The following ZNF479 variants were observed in gnomAD, a reference collection of about 807,000 sequenced individuals.
ZNF479 encodes the protein KRAB zinc finger protein KR19.
A neutral mutation model predicts 14.7 loss-of-function variants in ZNF479; 15 were observed. The observed-to-expected ratio is 1.02, with a 90% CI of 0.68 to 1.57. The LOEUF (loss-of-function observed/expected upper bound fraction) is 1.57, where lower values mean the gene tolerates loss of function less well. ZNF479 is among the 40% of genes most tolerant of loss of function. ZNF479 has a pLI of 0.00. For missense variants in ZNF479, 506 were observed against 615.1 expected (o/e 0.82, Z 1.88); for synonymous variants, 145 against 211.5 (o/e 0.69, Z 2.73).
chr7:57,122,298 T>C (rs1554400773), intron 3 of ZNF479, among the ~76,000 whole-genome samples: 1 of 147,324 alleles, frequency 6.8e-6, no homozygotes, highest in Non-Finnish European at 1.5e-5. Flanking sequence ...ACCAGAAAAA[T>C]GTACTACAAC....
intron 3 of ZNF479, among the ~76,000 whole-genome samples, chr7:57,124,511 A>T (rs1453263045): frequency 1.3e-5 from 2 of 152,236 alleles, no homozygotes; most frequent in Admixed American, 1.3e-4. Flanking sequence ...AACTCTTAGA[A>T]AAAAAGTATA....
At chr7:57,135,973 A>ATCTCTC (rs57853604), upstream of ZNF479, among the ~76,000 whole-genome samples, 2,236 of 125,140 alleles carry the variant, frequency 0.018, 70 homozygotes, top group African/African-American at 0.046. Flanking sequence ...CTCTCTCTCA[A>ATCTCTC]TCTCTCTCTC....
chr7:57,138,313 G>A (rs1786736516), intron 1 of ZNF479, among the ~76,000 whole-genome samples: 1 of 152,184 alleles, frequency 6.6e-6, no homozygotes, highest in South Asian at 2.1e-4. Context: ...TCACACTCAT[G>A]TATATTCTAT....
In ZNF479 at chr7:57,120,585, G is replaced by C; in HGVS notation, c.830C>G (p.Ala277Gly). 1 of 1,611,492 alleles carries C rather than the reference G, an allele frequency of 6.2e-7. No homozygotes were observed. Among genetic ancestry groups the C allele is most frequent in the East Asian group, 2.2e-5 (1 of 44,664 alleles). ...AGTAAGTGCTGAGGAGCGCCTAAAG[G>C]CTTGGCCACATTCTTCACACGTGTA... is the stretch of plus-strand genomic sequence containing the variant. ...KPYTCEECGQAFRRSSALTNH... is the reference protein window; with the variant it reads ...KPYTCEECGQGFRRSSALTNH... Residue 277 changes from alanine (A) to glycine (G), a missense_variant, in exon 4 of 4, where the codon GCC (alanine) becomes GGC (glycine). By Grantham distance (60) the Ala-to-Gly change is moderately conservative (BLOSUM62 0). This residue lies in a region of ZNF479 where 420 missense variants were observed against 474.2 expected (regional missense o/e 0.89). Transcript: ENST00000319636.
upstream of ZNF479, among the ~76,000 whole-genome samples, chr7:57,134,560 C>T (rs1347829398): frequency 6.6e-6 from 1 of 152,018 alleles, no homozygotes; most frequent in African/African-American, 2.4e-5. Context: ...GAGTGGCCCA[C>T]ATTGCTGCTC....
Position 57,120,994 on chromosome 7 carries a change from C to T in ZNF479, c.421G>A (p.Gly141Ser), listed in dbSNP as rs201538026. ...SVGEYEVHKG[G>S]YSEVNQCLST... ...AAACATTGGTTAACTTCACTATAAC[C>T]TCCCTTGTGCACCTCATATTCACCC... Residue 141 changes from glycine (G) to serine (S), a missense_variant, in exon 4 of 4, where the codon GGT becomes AGT. Gly to Ser is a moderately conservative substitution (Grantham distance 56, BLOSUM62 0). Coordinates refer to ENST00000319636, the MANE Select transcript of ZNF479 (RefSeq NM_001370129.2). The T allele has an allele frequency of 9.9e-6, 16 of 1,614,038 alleles. No homozygotes were observed. The highest frequency in any genetic ancestry group is 1.3e-5 in the Non-Finnish European group (15 of 1,180,016).
At chr7:57,131,571 AAAACAAACAAACAAAC>A (rs913714588) in intron 1 of ZNF479, among the ~76,000 whole-genome samples, 3 of 135,130 alleles carry the variant, frequency 2.2e-5, no homozygotes, top group South Asian at 2.5e-4. Flanking sequence ...TCAAAAATAA[AAAACAAACAAACAAAC>A]AAAAAAAAAA....
At chr7:57,136,193 G>A (rs549784134), upstream of ZNF479, among the ~76,000 whole-genome samples, 5 of 152,076 alleles carry the variant, frequency 3.3e-5, no homozygotes, top group East Asian at 7.8e-4. Context: ...AGACCAGCCC[G>A]GCCAACATGG....
At position 57,127,795 on chromosome 7, in the gene ZNF479, G is replaced by C. The variant is rs181390609; in HGVS notation, c.40-1077C>G. 1.8e-3 allele frequency among the ~76,000 whole-genome samples: 276 copies of C among 152,024 alleles called. 2 individuals are homozygous for C. Among genetic ancestry groups the C allele is most frequent in the African/African-American group, 6.5e-3 (268 of 41,498 alleles). ...ATGTCATAGAGATCTTGAACCAAGT[G>C]AATAAAATTGTTATCAACTTTATTA... On this transcript the variant is annotated intron_variant, in intron 1 of 3. Coordinates refer to ENST00000319636, the MANE Select transcript of ZNF479 (RefSeq NM_001370129.2).
chr7:57,136,005 CTCTCTCTCTT>C (rs1440965950), upstream of ZNF479, among the ~76,000 whole-genome samples: 4 of 129,442 alleles, frequency 3.1e-5, no homozygotes, highest in Admixed American at 3.3e-4. Flanking sequence ...CTCTCTCTCT[CTCTCTCTCTT>C]TCCTTTCCTA....
At chr7:57,127,919 T>C (rs1786243452) in intron 1 of ZNF479, among the ~76,000 whole-genome samples, 2 of 140,452 alleles carry the variant, frequency 1.4e-5, no homozygotes, top group Non-Finnish European at 3.0e-5. Flanking sequence ...TACATTTAAT[T>C]TTATTATATA....
At chr7:57,122,526 G>A (rs1187517302) in intron 3 of ZNF479, among the ~76,000 whole-genome samples, 2 of 151,934 alleles carry the variant, frequency 1.3e-5, no homozygotes, top group African/African-American at 4.8e-5. Context: ...AATACTTTTA[G>A]TTATTCTTTA....
At chr7:57,121,966 A>G (rs1554400715) in intron 3 of ZNF479, among the ~76,000 whole-genome samples, 1 of 152,082 alleles carries the variant, frequency 6.6e-6, no homozygotes, top group Non-Finnish European at 1.5e-5. Flanking sequence ...AAAACTTGCA[A>G]TAATAAAAAT....
chr7:57,123,672 A>C (rs865839580), intron 3 of ZNF479, among the ~76,000 whole-genome samples: 1 of 151,990 alleles, frequency 6.6e-6, no homozygotes, highest in African/African-American at 2.4e-5. Flanking sequence ...TGTCTCTACA[A>C]ATAATTCAAA....
rs782038868 is a variant in ZNF479, at chr7:57,119,816, G to A, written c.*24C>T. 1.9e-6 allele frequency: 3 copies of A among 1,588,918 alleles called. No individual in the cohort carries two copies. The highest frequency in any genetic ancestry group is 2.7e-5 in the African/African-American group (2 of 74,118). On this transcript the variant is annotated 3_prime_UTR_variant, in exon 4 of 4. Transcript: ENST00000319636. ...GTGTAAATTATTTTATGTATTATAA[G>A]GCCTGAGGGTGGACTTTGCCATATT...
At position 57,120,442 on chromosome 7, in the gene ZNF479, A is replaced by C. The variant is rs782124788; in HGVS notation, c.973T>G (p.Cys325Gly). ...GCTTTGCCACATTCCTCACACCTGC[A>C]GGGTTTCTCTCCAGTATGAATTCTC... ...HKRIHTGEKP[C>G]RCEECGKAFS... The change falls in exon 4 of 4, where the codon TGC becomes GGC. Residue 325 changes from cysteine (C) to glycine (G), a missense_variant. Physicochemically the swap from Cys to Gly is radical, Grantham distance 159. Coordinates refer to ENST00000319636, the MANE Select transcript of ZNF479 (RefSeq NM_001370129.2). 4.3e-6 allele frequency: 7 copies of C among 1,612,226 alleles called. No homozygotes were observed. The highest frequency in any genetic ancestry group is 3.4e-6 in the Non-Finnish European group (4 of 1,179,486).
chr7:57,135,632 T>C (rs10271625), upstream of ZNF479, among the ~76,000 whole-genome samples: 80,317 of 151,694 alleles, frequency 0.53, 21,640 homozygotes, highest in East Asian at 0.85. Flanking sequence ...AGGCTGGTCT[T>C]GAACTCCTGA....
rs1295602700 is a variant in ZNF479 at position 57,119,634 on chromosome 7, T to C, written c.*206A>G. 4 of 576,234 alleles carry C rather than the reference T, an allele frequency of 6.9e-6. No homozygotes were observed. Among genetic ancestry groups the C allele is most frequent in the African/African-American group, 3.8e-5 (2 of 52,818 alleles). The allele number at this position is 576,234 out of a possible 1,614,324, so 35.7% of individuals were successfully genotyped here. A position where few individuals can be genotyped will look rare whatever the true frequency, so the allele number is the denominator to read the frequency against. ...AAAAATTTTTTTAAAATAAATTCTC[T>C]TAGGTTTATTAAGGTTTGAGGGTTG... is the stretch of plus-strand genomic sequence containing the variant. On this transcript the variant is annotated 3_prime_UTR_variant, in exon 4 of 4. Transcript: ENST00000319636.
chr7:57,137,089 T>C (rs1262334966), upstream of ZNF479, among the ~76,000 whole-genome samples: 2 of 152,326 alleles, frequency 1.3e-5, no homozygotes, highest in Non-Finnish European at 2.9e-5. Flanking sequence ...ATTGGCACTT[T>C]ACATGACTAA....
Sources: gnomAD v4.1 joint callset for allele counts (sites outside exome capture counted in the v4.1 genomes callset) on GRCh38, gnomAD v4.1.1 for gene constraint, gnomAD v4.1.1 regional missense constraint, MANE v1.5 for transcripts, NCBI Gene and HGNC (gene_info 2026-07-23, HGNC 2026-07-21) for gene names.